The following RALGAPA2 variants were observed in gnomAD, a reference collection of about 807,000 sequenced individuals.
RALGAPA2 encodes Ral GTPase activating protein catalytic subunit alpha 2, also known as ral GTPase-activating protein subunit alpha-2.
A neutral mutation model predicts 230.4 loss-of-function variants in RALGAPA2; 139 were observed. That is an observed-to-expected ratio of 0.60 (90% confidence interval 0.53 to 0.69). The LOEUF (loss-of-function observed/expected upper bound fraction) is 0.69. RALGAPA2 is among the 30% of genes least tolerant of loss of function. The probability of loss-of-function intolerance (pLI) is 0.00; values close to 1 mark genes in which losing one functional copy is unlikely to be tolerated. For synonymous variants in RALGAPA2, 847 were observed against 837.8 expected (o/e 1.01, Z -0.19); for missense variants, 2,163 against 2,276.0 (o/e 0.95, Z 1.01).
At chr20:20,469,576 T>C (rs1249022549) in intron 37 of RALGAPA2, among the ~76,000 whole-genome samples, 1 of 152,252 alleles carries the variant, frequency 6.6e-6, no homozygotes, top group Non-Finnish European at 1.5e-5. Context: ...TATTGTTCTA[T>C]TGAAGTGGAC....
chr20:20,670,189 A>T (rs956232928), intron 3 of RALGAPA2, among the ~76,000 whole-genome samples: 1 of 152,254 alleles, frequency 6.6e-6, no homozygotes, highest in African/African-American at 2.4e-5. Context: ...TGTCTGACAC[A>T]GTGCATACCT....
At chr20:20,611,536 T>A in intron 13 of RALGAPA2, 110 bp from the exon 14 acceptor site, 1 of 1,457,118 alleles carries the variant, frequency 6.9e-7, no homozygotes, top group South Asian at 1.6e-5. Context: ...TAATTATGTA[T>A]TACTCGAAAC....
chr20:20,454,644 G>A (rs1030377782), intron 37 of RALGAPA2, among the ~76,000 whole-genome samples: 1 of 152,156 alleles, frequency 6.6e-6, no homozygotes, highest in African/African-American at 2.4e-5. Flanking sequence ...GATGCCACAG[G>A]GGTAGTTCCA....
In RALGAPA2 at chr20:20,503,523, A is replaced by G. The variant is rs772712383; in HGVS notation, c.5053-17T>C. On this transcript the variant is annotated splice_polypyrimidine_tract_variant and intron_variant, in intron 34 of 39. Transcript: ENST00000202677. ...GAGATCCACCTGACAAAGGTCACAA[A>G]GAAGAAAGAGTGAGGATCAAAAATG... 2 of 1,521,914 alleles carry G rather than the reference A, an allele frequency of 1.3e-6. No homozygotes were observed. Among genetic ancestry groups the G allele is most frequent in the Non-Finnish European group, 1.8e-6 (2 of 1,132,478 alleles). 94.3% of individuals were successfully genotyped at this position (1,521,914 alleles called of 1,614,324 possible). A position where few individuals can be genotyped will look rare whatever the true frequency, so the allele number is the denominator to read the frequency against.
intron 17 of RALGAPA2, 129 bp from the exon 18 acceptor site, chr20:20,589,494 T>C (rs1011393222): frequency 1.4e-5 from 14 of 1,021,532 alleles, no homozygotes; most frequent in Non-Finnish European, 1.9e-5. Flanking sequence ...ACAGGAGTTA[T>C]GGGCCTGGCA....
chr20:20,683,192 G>A (rs533427998), intron 1 of RALGAPA2, among the ~76,000 whole-genome samples: 1 of 152,204 alleles, frequency 6.6e-6, no homozygotes, highest in Non-Finnish European at 1.5e-5. Context: ...GCCCTGGACT[G>A]CTTCTGCTCT....
chr20:20,449,370 G>A (rs1043796354), intron 37 of RALGAPA2, among the ~76,000 whole-genome samples: 2 of 152,150 alleles, frequency 1.3e-5, no homozygotes, highest in Admixed American at 6.5e-5. Context: ...AATGACAGTC[G>A]GTGGGGCAAT....
chr20:20,650,393 A>G (rs76550382), intron 4 of RALGAPA2, among the ~76,000 whole-genome samples: 1,689 of 152,208 alleles, frequency 0.011, 29 homozygotes, highest in African/African-American at 0.039. Context: ...GGCTTTCGAG[A>G]CTCATAGAAT....
chr20:20,458,713 C>T (rs7347225), intron 37 of RALGAPA2, among the ~76,000 whole-genome samples: 6,661 of 121,448 alleles, frequency 0.055, 762 homozygotes, highest in African/African-American at 0.2. Context: ...CACACACACA[C>T]CTATATATAT....
chr20:20,503,442 G>A lies in RALGAPA2; in HGVS notation c.5117C>T (p.Thr1706Met), dbSNP rs372186759. Reference sequence around the variant, plus strand: ...AGTTGAGGTAGCATAGTAAGGGGCCGTCTGCCCGGTGCTGCCATTGCGCTG... The same window carrying A: ...AGTTGAGGTAGCATAGTAAGGGGCCATCTGCCCGGTGCTGCCATTGCGCTG... ...GLQRNGSTGQ[T>M]APYYATSTVE... Residue 1706 changes from threonine to methionine, a missense_variant, in exon 35 of 40, where the codon ACG (threonine) becomes ATG (methionine). Thr to Met is a moderately conservative substitution (Grantham distance 81). Coordinates refer to ENST00000202677, the MANE Select transcript of RALGAPA2 (RefSeq NM_020343.4). The A allele has an allele frequency of 2.1e-5, 33 of 1,608,040 alleles. No individual in the cohort carries two copies. Among genetic ancestry groups the A allele is most frequent in the African/African-American group, 2.7e-5 (2 of 74,460 alleles).
Position 20,639,809 on chromosome 20 carries a change from T to C in RALGAPA2, c.642A>G (p.Ile214Met). 7 of 1,610,076 alleles carry C rather than the reference T, an allele frequency of 4.3e-6. No homozygotes were observed. Among genetic ancestry groups the C allele is most frequent in the Non-Finnish European group, 6.0e-6 (7 of 1,176,360 alleles). Reference protein sequence around the residue: ...AEDQTCFFLQILLKYMVIQAA... With the variant: ...AEDQTCFFLQMLLKYMVIQAA... The stretch of plus-strand genomic sequence containing the variant: ...CCTGAATAACCATATACTTCAACAG[T>C]ATTTGAAGAAAAAAGCAGGTTTGGT... Residue 214 changes from isoleucine to methionine, a missense_variant, in exon 7 of 40, where the codon ATA (isoleucine) becomes ATG (methionine). Ile to Met is a conservative substitution (Grantham distance 10, BLOSUM62 1). Transcript: ENST00000202677.
In RALGAPA2 at chr20:20,513,039, T is replaced by C. The variant is rs533345485; in HGVS notation, c.4330A>G (p.Thr1444Ala). 22 of 1,612,612 alleles carry C rather than the reference T, an allele frequency of 1.4e-5. No individual in the cohort carries two copies. The highest frequency in any genetic ancestry group is 1.7e-4 in the Middle Eastern group (1 of 6,048). ...STLISYLQTP[T>A]EGPVGGSPVG... ...GGTGATCCCCCTACCGGTCCTTCTGTGGGTGTCTGAAGGTAGGAGATGAGG... is the reference window on the plus strand; with the variant it reads ...GGTGATCCCCCTACCGGTCCTTCTGCGGGTGTCTGAAGGTAGGAGATGAGG... Residue 1444 changes from threonine to alanine, a missense_variant, in exon 32 of 40, where the codon ACA becomes GCA. By Grantham distance (58) the Thr-to-Ala change is moderately conservative (BLOSUM62 0). Coordinates refer to ENST00000202677, the MANE Select transcript of RALGAPA2 (RefSeq NM_020343.4).
At chr20:20,557,829 C>T (rs921973365) in intron 23 of RALGAPA2, among the ~76,000 whole-genome samples, 5 of 152,126 alleles carry the variant, frequency 3.3e-5, no homozygotes, top group East Asian at 1.9e-4. Flanking sequence ...TTAACAGACA[C>T]GGAGAACGGC....
chr20:20,472,306 A>G (rs1241201588), intron 37 of RALGAPA2: 1 of 152,254 alleles, frequency 6.6e-6, no homozygotes, highest in East Asian at 1.9e-4. Flanking sequence ...AATTCAGGAC[A>G]TCTTTCCCTC....
intron 36 of RALGAPA2, among the ~76,000 whole-genome samples, chr20:20,479,325 G>A (rs544023570): frequency 6.6e-6 from 1 of 152,152 alleles, no homozygotes; most frequent in Non-Finnish European, 1.5e-5. Context: ...ATTTTATTAG[G>A]CTAGTACAAT....
chr20:20,685,467 A>C (rs1271240613), intron 1 of RALGAPA2, among the ~76,000 whole-genome samples: 1 of 152,182 alleles, frequency 6.6e-6, no homozygotes, highest in Non-Finnish European at 1.5e-5. Flanking sequence ...CCATAGCCCA[A>C]TGAAATAGAT....
At chr20:20,465,272 GC>G (rs923178707) in intron 37 of RALGAPA2, among the ~76,000 whole-genome samples, 2 of 151,884 alleles carry the variant, frequency 1.3e-5, no homozygotes, top group African/African-American at 4.8e-5. Flanking sequence ...TGGCAAGAGT[GC>G]CACATCTGAG....
intron 37 of RALGAPA2, among the ~76,000 whole-genome samples, chr20:20,420,409 T>C (rs2060252238): frequency 6.6e-6 from 1 of 152,224 alleles, no homozygotes; most frequent in East Asian, 1.9e-4. Context: ...TGTCCAAATA[T>C]TTCAATACCT....
At chr20:20,702,534 C>G (rs1192745670) in intron 1 of RALGAPA2, among the ~76,000 whole-genome samples, 2 of 152,198 alleles carry the variant, frequency 1.3e-5, no homozygotes, top group African/African-American at 4.8e-5. Context: ...TCAGAGGCAT[C>G]TGAAGTGTGC....
Sources: allele counts gnomAD v4.1 joint callset (sites outside exome capture counted in the v4.1 genomes callset), GRCh38; gene constraint gnomAD v4.1.1; transcripts MANE v1.5; gene names NCBI Gene and HGNC (gene_info 2026-07-23, HGNC 2026-07-21).